The following AFF2 variants were observed in gnomAD, a reference collection of about 807,000 sequenced individuals.
The protein encoded by AFF2 is ALF transcription elongation factor 2.
Under a neutral mutation model 76.9 loss-of-function variants are expected in AFF2, and 14 were observed. The ratio of observed to expected loss-of-function variants is 0.18; its 90% CI spans 0.12 to 0.28. The LOEUF is 0.28. AFF2 is among the 10% of genes least tolerant of loss of function. AFF2 has a pLI of 1.00. For synonymous variants in AFF2, 398 were observed against 366.7 expected (o/e 1.09, Z -0.98); for missense variants, 868 against 1,001.1 (o/e 0.87, Z 1.79).
At chrX:148,577,417 C>T (rs1479616070) in intron 1 of AFF2, among the ~76,000 whole-genome samples, 1 of 112,067 alleles carries the variant, frequency 8.9e-6, no homozygotes, top group Non-Finnish European at 1.9e-5. Context: ...AGTATAAACC[C>T]TCTGGTTTCA....
chrX:148,991,568 C>A lies in AFF2; in HGVS notation c.*236C>A, dbSNP rs1569558087. The A allele has an allele frequency of 7.6e-6, 2 of 261,919 alleles. No individual in the cohort carries two copies. Among genetic ancestry groups the A allele is most frequent in the South Asian group, 1.5e-4 (1 of 6,638 alleles). 21.6% of individuals were successfully genotyped at this position (261,919 alleles called of 1,213,427 possible). ...TTCTTTTAGCATTTGATATGCATTT[C>A]TCAGATTCCACCATCTTTTTGTGCT... On this transcript the variant is annotated 3_prime_UTR_variant, in exon 21 of 21. Transcript: ENST00000370460.
intron 20 of AFF2, among the ~76,000 whole-genome samples, chrX:148,990,354 G>A (rs1187330930): frequency 1.8e-5 from 2 of 112,150 alleles, no homozygotes; most frequent in Non-Finnish European, 3.8e-5. Context: ...CGGATTCCTT[G>A]CTGCCAGCCA....
At chrX:148,884,352 G>C (rs782699731) in intron 7 of AFF2, among the ~76,000 whole-genome samples, 1 of 112,411 alleles carries the variant, frequency 8.9e-6, no homozygotes, top group African/African-American at 3.2e-5. Flanking sequence ...GACTGAGCAT[G>C]AAAGTGGGGG....
intron 4 of AFF2, among the ~76,000 whole-genome samples, chrX:148,830,271 C>T (rs2070437437): frequency 8.9e-6 from 1 of 112,231 alleles, no homozygotes; most frequent in South Asian, 3.7e-4. Context: ...CCTGAGGGGG[C>T]CTAGTAGGAG....
At chrX:148,643,511 C>G (rs1557254993) in intron 1 of AFF2, among the ~76,000 whole-genome samples, 1 of 111,404 alleles carries the variant, frequency 9.0e-6, no homozygotes, top group African/African-American at 3.3e-5. Context: ...AGTGAAGCCT[C>G]GTTTTTAATT....
intron 3 of AFF2, among the ~76,000 whole-genome samples, chrX:148,670,626 G>A (rs868949788): frequency 1.8e-5 from 2 of 111,465 alleles, no homozygotes; most frequent in African/African-American, 3.3e-5. Flanking sequence ...AACTTGGCAC[G>A]TTACTTTCCC....
chrX:148,674,024 A>G (rs2054453544), intron 3 of AFF2, among the ~76,000 whole-genome samples: 1 of 112,193 alleles, frequency 8.9e-6, no homozygotes, highest in Admixed American at 9.4e-5. Context: ...TTTCTGAAAA[A>G]TAATTATTTT....
chrX:148,780,312 G>A (rs1284964100), intron 3 of AFF2, among the ~76,000 whole-genome samples: 6 of 111,658 alleles, frequency 5.4e-5, no homozygotes, highest in African/African-American at 1.6e-4. Flanking sequence ...AGGTTGGGGA[G>A]GTTCTCCTGG....
Position 148,535,564 on chromosome X carries a change from C to T in AFF2, c.47+34420C>T, listed in dbSNP as rs188071743. 9.8e-5 allele frequency among the ~76,000 whole-genome samples: 11 copies of T among 112,720 alleles called. No homozygotes were observed. In the East Asian group the frequency reaches 2.5e-3, roughly 26 times the overall value. ...CCATTTCTGAAGTCTCTACTCAAGG[C>T]GGCATTCAGGCCCTGTGCCGGGCAT... is the stretch of plus-strand genomic sequence containing the variant. On this transcript the variant is annotated intron_variant, in intron 1 of 20. Transcript: ENST00000370460.
chrX:148,676,389 T>G (rs241122), intron 3 of AFF2, among the ~76,000 whole-genome samples: 54,183 of 110,367 alleles, frequency 0.49, 9,899 homozygotes, highest in Middle Eastern at 0.55. Context: ...ACAGACTGTT[T>G]GAAAGATTCA....
intron 3 of AFF2, among the ~76,000 whole-genome samples, chrX:148,700,132 G>A (rs976613271): frequency 1.8e-5 from 2 of 111,181 alleles, no homozygotes; most frequent in African/African-American, 6.6e-5. Flanking sequence ...GCAATTACCA[G>A]GGTCATTTCA....
chrX:148,808,686 G>T (rs1270103038), intron 3 of AFF2, among the ~76,000 whole-genome samples: 1 of 111,881 alleles, frequency 8.9e-6, no homozygotes, highest in East Asian at 2.8e-4. Context: ...TCCCCTATTT[G>T]GGATTTTGGG....
intron 7 of AFF2, among the ~76,000 whole-genome samples, chrX:148,869,654 G>C (rs1396861695): frequency 1.8e-5 from 2 of 111,837 alleles, no homozygotes; most frequent in East Asian, 5.7e-4. Flanking sequence ...GCAAAGCCCT[G>C]TATTAGTTTC....
intron 8 of AFF2, among the ~76,000 whole-genome samples, chrX:148,893,747 C>T (rs1416032813): frequency 8.9e-6 from 1 of 111,844 alleles, no homozygotes; most frequent in Non-Finnish European, 1.9e-5. Flanking sequence ...AGCCTTTTCA[C>T]CCACAAAGAG....
intron 3 of AFF2, among the ~76,000 whole-genome samples, chrX:148,774,177 C>A (rs1431036681): frequency 5.4e-5 from 6 of 111,695 alleles, no homozygotes; most frequent in Non-Finnish European, 7.5e-5. Flanking sequence ...TCAGGTCAGC[C>A]ACAAAGTTAA....
At chrX:148,804,325 C>G (rs1557271154) in intron 3 of AFF2, among the ~76,000 whole-genome samples, 1 of 111,990 alleles carries the variant, frequency 8.9e-6, no homozygotes, top group Non-Finnish European at 1.9e-5. Context: ...TTCTATGGAG[C>G]CTCAAAGACC....
chrX:148,955,856 T>C lies in AFF2; in HGVS notation c.1811T>C (p.Ile604Thr), dbSNP rs781886097. 7.4e-6 allele frequency: 9 copies of C among 1,210,799 alleles called. No individual in the cohort carries two copies. In the South Asian group the frequency reaches 1.6e-4, roughly 21 times the overall value. ...EKARPRPTQKIPETKALKHKL... is the reference protein window; with the variant it reads ...EKARPRPTQKTPETKALKHKL... ...GCCCGTCCACGGCCCACTCAGAAAA[T>C]TCCAGAAACAAAGGCTTTGAAGCAT... The change falls in exon 11 of 21, where the codon ATT (isoleucine) becomes ACT (threonine). Residue 604 changes from isoleucine (I) to threonine (T), a missense_variant. Transcript: ENST00000370460.
intron 1 of AFF2, among the ~76,000 whole-genome samples, chrX:148,591,836 T>C (rs782225167): frequency 5.3e-5 from 6 of 112,407 alleles, no homozygotes; most frequent in African/African-American, 1.6e-4. Context: ...AACCCTGATA[T>C]ATCATTTCTC....
intron 9 of AFF2, among the ~76,000 whole-genome samples, chrX:148,918,620 T>C (rs782279818): frequency 9.0e-6 from 1 of 111,687 alleles, no homozygotes; most frequent in Non-Finnish European, 1.9e-5. Context: ...GCTTCCAAAC[T>C]TCACCAAGTG....
Sources: allele counts gnomAD v4.1 joint callset (sites outside exome capture counted in the v4.1 genomes callset), GRCh38; gene constraint gnomAD v4.1.1; transcripts MANE v1.5; gene names NCBI Gene and HGNC (gene_info 2026-07-23, HGNC 2026-07-21).